CCDC3: variants seen among roughly 807,000 people sequenced by gnomAD.
CCDC3 encodes the protein coiled-coil domain-containing protein 3.
In CCDC3, 24 loss-of-function variants were observed where a neutral mutation model predicts 21.4. The observed-to-expected ratio is 1.12, with a 90% CI of 0.81 to 1.58. CCDC3 has a LOEUF of 1.58. Among genes scored for constraint, CCDC3 ranks in the 40% most tolerant of loss-of-function variants. The probability of loss-of-function intolerance (pLI) is 0.00; values close to 1 mark genes in which losing one functional copy is unlikely to be tolerated. For missense variants in CCDC3, 425 were observed against 360.9 expected, an observed-to-expected ratio of 1.18 and a Z score of -1.44; for synonymous variants, 186 against 166.0, an observed-to-expected ratio of 1.12 and a Z score of -0.93.
chr10:12,989,451 T>C (rs1156818789), intron 2 of CCDC3, among the ~76,000 whole-genome samples: 1 of 152,176 alleles, frequency 6.6e-6, no homozygotes, highest in East Asian at 1.9e-4. Context: ...AGACAAAGTC[T>C]CTCTCTGTCG....
intron 3 of CCDC3, among the ~76,000 whole-genome samples, chr10:13,079,581 G>A (rs760384973): frequency 6.6e-6 from 1 of 152,180 alleles, no homozygotes; most frequent in Non-Finnish European, 1.5e-5. Flanking sequence ...AAAAGCCACG[G>A]GGTTGGGGGG....
At chr10:12,956,434 T>A (rs756743709) in intron 2 of CCDC3, among the ~76,000 whole-genome samples, 1 of 152,228 alleles carries the variant, frequency 6.6e-6, no homozygotes, top group Non-Finnish European at 1.5e-5. Flanking sequence ...ATAAACCTAA[T>A]GGCTGCTCCC....
intron 2 of CCDC3, among the ~76,000 whole-genome samples, chr10:12,960,354 A>G (rs1835163186): frequency 6.6e-6 from 1 of 152,064 alleles, no homozygotes; most frequent in Admixed American, 6.5e-5. Context: ...TTTGGGAGAG[A>G]TGGGGAGAAA....
In CCDC3 at chr10:13,001,606, G is replaced by C. The variant is rs1835857004; in HGVS notation, c.-36C>G. ...CCCGGGGCGCACGGGGCGGCGGCGG[G>C]GAGCCCGGGGAGCCCGCCGGCCCGG... On this transcript the variant is annotated 5_prime_UTR_variant, in exon 1 of 3. Coordinates refer to ENST00000378825, the MANE Select transcript of CCDC3 (RefSeq NM_031455.4). 1 of 1,109,896 alleles carries C rather than the reference G, an allele frequency of 9.0e-7. No individual in the cohort carries two copies. The highest frequency in any genetic ancestry group is 4.4e-5 in the South Asian group (1 of 22,798). 68.8% of individuals were successfully genotyped at this position (1,109,896 alleles called of 1,614,324 possible).
chr10:12,925,247 C>A (rs1030927539), intron 2 of CCDC3, among the ~76,000 whole-genome samples: 1 of 152,130 alleles, frequency 6.6e-6, no homozygotes, highest in Non-Finnish European at 1.5e-5. Flanking sequence ...AGGAGGGGTG[C>A]TGAGAAATCC....
intron 2 of CCDC3, among the ~76,000 whole-genome samples, chr10:12,932,721 G>C (rs955568684): frequency 1.3e-5 from 2 of 152,122 alleles, no homozygotes; most frequent in African/African-American, 4.8e-5. Flanking sequence ...TCTGACAGAG[G>C]ACATCCTTGC....
chr10:12,992,067 TAA>T (rs34433198), intron 2 of CCDC3, among the ~76,000 whole-genome samples: 46 of 145,756 alleles, frequency 3.2e-4, no homozygotes, highest in Admixed American at 5.4e-4. Context: ...ATATTTGGAT[TAA>T]AAAAAAAAAA....
chr10:13,075,357 C>T (rs1400459443), intron 3 of CCDC3, among the ~76,000 whole-genome samples: 1 of 152,138 alleles, frequency 6.6e-6, no homozygotes, highest in African/African-American at 2.4e-5. Context: ...GTTTCTTTGG[C>T]TTTTAAACGA....
At position 13,061,728 on chromosome 10, in the gene CCDC3, T is replaced by C. The variant is rs553223949; in HGVS notation, c.-269-11787A>G. ...ATTTTCTGGCTGCCAATTGGTTGAG[T>C]TTGTCTAAAGACCTGGGATCAATAG... On this transcript the variant is annotated intron_variant, in intron 4 of 6. Transcript: ENST00000378839. 2.6e-5 allele frequency among the ~76,000 whole-genome samples: 4 copies of C among 152,320 alleles called. No individual in the cohort carries two copies. The South Asian group carries it at 6.2e-4, about 24-fold the overall frequency.
chr10:12,925,998 T>G (rs936742699), intron 2 of CCDC3, among the ~76,000 whole-genome samples: 1 of 152,208 alleles, frequency 6.6e-6, no homozygotes, highest in Non-Finnish European at 1.5e-5. Flanking sequence ...AGTTGGGTAC[T>G]TGAGATGCTA....
At chr10:13,097,805 T>C (rs1832647093) in intron 3 of CCDC3, among the ~76,000 whole-genome samples, 1 of 152,238 alleles carries the variant, frequency 6.6e-6, no homozygotes, top group Admixed American at 6.5e-5. Flanking sequence ...ATTCAATAAA[T>C]GGGATTTATA....
At chr10:13,074,325 A>ATTTT (rs543893110) in intron 3 of CCDC3, among the ~76,000 whole-genome samples, 1 of 62,796 alleles carries the variant, frequency 1.6e-5, no homozygotes, top group African/African-American at 6.5e-5. Context: ...ATCCCGGCTA[A>ATTTT]TTTTTTTTTT....
chr10:13,021,801 T>G (rs1836150300), intron 5 of CCDC3, among the ~76,000 whole-genome samples: 1 of 152,154 alleles, frequency 6.6e-6, no homozygotes, highest in South Asian at 2.1e-4. Flanking sequence ...TTTAGCTCTA[T>G]TGCCCAGGCT....
At chr10:12,900,805 G>A (rs980449235) in intron 2 of CCDC3, among the ~76,000 whole-genome samples, 11 of 151,892 alleles carry the variant, frequency 7.2e-5, no homozygotes, top group African/African-American at 2.7e-4. Flanking sequence ...TTCCAGTCCT[G>A]CCTCTTCCAC....
chr10:13,019,360 T>G (rs1233087174), intron 5 of CCDC3, among the ~76,000 whole-genome samples: 1 of 152,218 alleles, frequency 6.6e-6, no homozygotes, highest in South Asian at 2.1e-4. Context: ...AAATAAAATT[T>G]CAGCCCTTTT....
chr10:12,969,628 T>G (rs956298864), intron 2 of CCDC3, among the ~76,000 whole-genome samples: 1 of 150,702 alleles, frequency 6.6e-6, no homozygotes, highest in Admixed American at 6.6e-5. Flanking sequence ...ATAAAAAAAG[T>G]TTTTTTATAT....
At chr10:13,065,559 G>A (rs12572982) in intron 4 of CCDC3, among the ~76,000 whole-genome samples, 19 of 152,272 alleles carry the variant, frequency 1.2e-4, no homozygotes, top group African/African-American at 4.6e-4. Context: ...TGGATATTAA[G>A]AACGTTCTTG....
intron 2 of CCDC3, among the ~76,000 whole-genome samples, chr10:12,964,188 C>T (rs1316550191): frequency 1.3e-5 from 2 of 152,044 alleles, no homozygotes; most frequent in African/African-American, 2.4e-5. Context: ...GCCTAACCAA[C>T]ATGGAGAAAC....
At chr10:13,012,085 T>A (rs1835990380) in intron 5 of CCDC3, among the ~76,000 whole-genome samples, 1 of 151,994 alleles carries the variant, frequency 6.6e-6, no homozygotes, top group Admixed American at 6.6e-5. Context: ...AACCTAAAAC[T>A]ATAAAAACCC....
Sources: gnomAD v4.1 joint callset for allele counts (sites outside exome capture counted in the v4.1 genomes callset) on GRCh38, gnomAD v4.1.1 for gene constraint, MANE v1.5 for transcripts, NCBI Gene and HGNC (gene_info 2026-07-23, HGNC 2026-07-21) for gene names.